Variants in EYA2 observed in about 807,000 individuals in gnomAD.
EYA2 encodes EYA transcriptional coactivator and phosphatase 2.
Under a neutral mutation model 69.2 loss-of-function variants are expected in EYA2, and 31 were observed. The ratio of observed to expected loss-of-function variants is 0.45; its 90% confidence interval spans 0.34 to 0.60. The LOEUF (loss-of-function observed/expected upper bound fraction) is 0.60, where lower values mean the gene tolerates loss of function less well. EYA2 is among the 20% of genes least tolerant of loss of function. EYA2 has a pLI of 0.02. For synonymous variants in EYA2, 257 were observed against 279.4 expected, an observed-to-expected ratio of 0.92 and a Z score of 0.80; for missense variants, 622 against 701.2, an observed-to-expected ratio of 0.89 and a Z score of 1.28.
intron 5 of EYA2, among the ~76,000 whole-genome samples, chr20:47,064,562 T>C (rs1210778685): frequency 6.6e-6 from 1 of 152,246 alleles, no homozygotes; most frequent in Non-Finnish European, 1.5e-5. Context: ...AATCATCCAG[T>C]GTTTTCCACA....
At chr20:46,925,928 A>C (rs1364252840) in intron 1 of EYA2, among the ~76,000 whole-genome samples, 3 of 152,012 alleles carry the variant, frequency 2.0e-5, no homozygotes, top group Non-Finnish European at 4.4e-5. Context: ...GATAATAGAG[A>C]ATTGGTCACA....
chr20:46,931,392 T>C lies in EYA2; in HGVS notation c.-11+36405T>C, dbSNP rs373414747. Among the ~76,000 whole-genome samples, 41 of 152,290 alleles carry C rather than the reference T, an allele frequency of 2.7e-4. No homozygotes were observed. In the East Asian group the frequency reaches 4.8e-3, roughly 18 times the overall value. ...TTGTTTGTTTGTTTGTTTGTTGTTT[T>C]TAAGTACGCTGGCGACATGGCACAG... On this transcript the variant is annotated intron_variant, in intron 1 of 15. Transcript: ENST00000327619.
intron 5 of EYA2, among the ~76,000 whole-genome samples, chr20:47,040,208 C>T (rs567791091): frequency 1.4e-4 from 22 of 152,194 alleles, no homozygotes; most frequent in Non-Finnish European, 2.6e-4. Flanking sequence ...TAAGTGTTTG[C>T]CATTTTAAGC....
intron 9 of EYA2, among the ~76,000 whole-genome samples, chr20:47,110,417 GT>G (rs3838025): frequency 0.31 from 46,943 of 151,528 alleles, 8,160 homozygotes; most frequent in African/African-American, 0.47. Context: ...AATTTTTTAT[GT>G]TTTTTTGTGA....
intron 5 of EYA2, among the ~76,000 whole-genome samples, chr20:47,057,510 A>ACGCCCC (rs1344107214): frequency 2.1e-5 from 2 of 94,768 alleles, no homozygotes; most frequent in Admixed American, 1.1e-4. Flanking sequence ...TTTTTATATC[A>ACGCCCC]CCCCCCCCCC....
At chr20:46,935,894 A>C (rs1269135637) in intron 1 of EYA2, among the ~76,000 whole-genome samples, 1 of 152,166 alleles carries the variant, frequency 6.6e-6, no homozygotes, top group Non-Finnish European at 1.5e-5. Context: ...GTAGTAGTTT[A>C]GATTGACCAT....
chr20:46,985,714 C>T (rs1052052803), intron 1 of EYA2, among the ~76,000 whole-genome samples: 2 of 152,126 alleles, frequency 1.3e-5, no homozygotes, highest in Admixed American at 1.3e-4. Context: ...CTTAATTGGG[C>T]CGCCACTGTT....
intron 2 of EYA2, among the ~76,000 whole-genome samples, chr20:46,991,832 G>C (rs1393401766): frequency 6.6e-6 from 1 of 152,066 alleles, no homozygotes; most frequent in African/African-American, 2.4e-5. Flanking sequence ...GACAGGCGTG[G>C]TGGCACACAC....
At chr20:46,940,852 A>G (rs1405670153) in intron 1 of EYA2, among the ~76,000 whole-genome samples, 3 of 152,216 alleles carry the variant, frequency 2.0e-5, no homozygotes, top group African/African-American at 7.2e-5. Context: ...AGAGGGGAAC[A>G]GTGCTTGCCA....
intron 7 of EYA2, among the ~76,000 whole-genome samples, chr20:47,088,745 C>T (rs996236109): frequency 5.3e-5 from 8 of 152,160 alleles, no homozygotes; most frequent in African/African-American, 1.2e-4. Context: ...CACCACCACA[C>T]GAGGTCAACT....
At chr20:46,917,857 G>A (rs1984984581) in intron 1 of EYA2, among the ~76,000 whole-genome samples, 1 of 152,334 alleles carries the variant, frequency 6.6e-6, no homozygotes. Flanking sequence ...TCACTGATCA[G>A]GGCGGTGGTT....
intron 5 of EYA2, among the ~76,000 whole-genome samples, chr20:47,045,653 C>A (rs2029996943): frequency 6.6e-6 from 1 of 152,248 alleles, no homozygotes. Flanking sequence ...TTCCTCAACT[C>A]TTTTCATATC....
At chr20:47,157,445 A>G (rs2033976533) in intron 10 of EYA2, among the ~76,000 whole-genome samples, 1 of 151,708 alleles carries the variant, frequency 6.6e-6, no homozygotes, top group African/African-American at 2.4e-5. Context: ...ACAGTCCTAA[A>G]TGACATTTGT....
At chr20:46,942,304 C>T (rs1986189194) in intron 1 of EYA2, among the ~76,000 whole-genome samples, 1 of 152,060 alleles carries the variant, frequency 6.6e-6, no homozygotes. Flanking sequence ...ACCTCCTGGG[C>T]TTAAGTGATC....
At chr20:47,029,306 A>G (rs1483007517) in intron 5 of EYA2, among the ~76,000 whole-genome samples, 5 of 152,276 alleles carry the variant, frequency 3.3e-5, no homozygotes, top group Non-Finnish European at 4.4e-5. Context: ...ACAAGGGCTC[A>G]GCCCATAGAA....
At chr20:47,179,211 A>G (rs2034483194) in intron 12 of EYA2, among the ~76,000 whole-genome samples, 1 of 146,652 alleles carries the variant, frequency 6.8e-6, no homozygotes, top group African/African-American at 2.5e-5. Flanking sequence ...GGATGCATGG[A>G]TGGATGGATA....
chr20:46,987,916 G>GACTCTCTCTCCCTCTCTCCC (rs56288405), intron 1 of EYA2, among the ~76,000 whole-genome samples: 4 of 20,352 alleles, frequency 2.0e-4, no homozygotes, highest in Non-Finnish European at 3.8e-4. Context: ...GACAGAGTAA[G>GACTCTCTCTCCCTCTCTCCC]TCTCTCTCTC....
chr20:46,998,299 C>T (rs903073403), intron 2 of EYA2: 4 of 152,316 alleles, frequency 2.6e-5, no homozygotes, highest in African/African-American at 9.6e-5. Flanking sequence ...AAATTCCGGG[C>T]TACACTGAAG....
At chr20:46,989,954 C>G in intron 1 of EYA2, 47 bp from the exon 2 acceptor site, 1 of 917,598 alleles carries the variant, frequency 1.1e-6, no homozygotes, top group Non-Finnish European at 1.8e-6. Flanking sequence ...CATTAGCAAG[C>G]ATGCATAATT....
Sources: allele counts gnomAD v4.1 joint callset (sites outside exome capture counted in the v4.1 genomes callset), GRCh38; gene constraint gnomAD v4.1.1; transcripts MANE v1.5; gene names NCBI Gene and HGNC (gene_info 2026-07-23, HGNC 2026-07-21).